The following FERMT1 variants were observed in gnomAD, a reference collection of about 807,000 sequenced individuals.
FERMT1 encodes the protein FERM domain containing kindlin 1, also known as fermitin family homolog 1.
In FERMT1, 60 loss-of-function variants were observed where a neutral mutation model predicts 85.3. That is an observed-to-expected ratio of 0.70 (90% CI 0.57 to 0.87). The LOEUF (loss-of-function observed/expected upper bound fraction) is 0.87, where lower values mean the gene tolerates loss of function less well. FERMT1 is among the 40% of genes least tolerant of loss of function. The probability of loss-of-function intolerance (pLI) is 0.00; values close to 1 mark genes in which losing one functional copy is unlikely to be tolerated. For missense variants in FERMT1, 701 were observed against 818.9 expected, an observed-to-expected ratio of 0.86 and a Z score of 1.76; for synonymous variants, 275 against 301.1, an observed-to-expected ratio of 0.91 and a Z score of 0.90.
In FERMT1 at chr20:6,110,330, C is replaced by G; in HGVS notation, c.714G>C (p.Arg238=). 1 of 1,613,364 alleles carries G rather than the reference C, an allele frequency of 6.2e-7. No homozygotes were observed. The highest frequency in any genetic ancestry group is 8.5e-7 in the Non-Finnish European group (1 of 1,179,874). The change falls in exon 5 of 15, where the codon CGG becomes CGC. Residue 238 remains arginine (R), a synonymous_variant. Coordinates refer to ENST00000217289, the MANE Select transcript of FERMT1 (RefSeq NM_017671.5). The stretch of plus-strand genomic sequence containing the variant: ...TGAGCTTGGCTTTATCAACCAGAGA[C>G]CGAGGCTGGTACATATCCGCAAGTG... ...PEALADMYQP[R]SLVDKAKLNA...
intron 6 of FERMT1, among the ~76,000 whole-genome samples, chr20:6,098,242 C>T (rs1982563460): frequency 6.6e-6 from 1 of 151,988 alleles, no homozygotes. Context: ...ATATGATAAA[C>T]AGTGTAATAA....
rs770805210 is a variant in FERMT1 at position 6,074,940 on chromosome 20, A to G, written c.*2233T>C. On this transcript the variant is annotated 3_prime_UTR_variant, in exon 15 of 15. Transcript: ENST00000217289. ...GTAGATAAGGAAGCAAATGATGTTG[A>G]AAGGTGCCCATTAATTTAAAATTTC... The G allele has an allele frequency of 6.6e-6, 1 of 152,276 alleles. No individual in the cohort carries two copies. The highest frequency in any genetic ancestry group is 1.5e-5 in the Non-Finnish European group (1 of 68,022). 9.4% of individuals were successfully genotyped at this position (152,276 alleles called of 1,614,324 possible). A position where few individuals can be genotyped will look rare whatever the true frequency, so the allele number is the denominator to read the frequency against.
intron 13 of FERMT1, among the ~76,000 whole-genome samples, chr20:6,080,354 C>A (rs112262361): frequency 6.6e-6 from 1 of 152,112 alleles, no homozygotes; most frequent in African/African-American, 2.4e-5. Flanking sequence ...TGTTATGTTG[C>A]CCAGACTAGT....
chr20:6,107,258 A>C (rs1982823776), intron 6 of FERMT1, among the ~76,000 whole-genome samples: 1 of 150,406 alleles, frequency 6.6e-6, no homozygotes, highest in Non-Finnish European at 1.5e-5. Flanking sequence ...ATCTTGTTTG[A>C]CCATTCCTGC....
chr20:6,085,152 G>A lies in FERMT1; in HGVS notation c.1507C>T (p.Gln503Ter). 6.2e-7 allele frequency: 1 copy of A among 1,614,190 alleles called. No homozygotes were observed. The highest frequency in any genetic ancestry group is 8.5e-7 in the Non-Finnish European group (1 of 1,180,030). Reference protein sequence around the residue: ...LRMKNRNSASQVASSLENMDM... With the variant: ...LRMKNRNSAS ...ATGTTTTCGAGACTGGAAGCCACCTGAGATGCAGAGTTCCTGTTTTTCATC... is the reference window on the plus strand; with the variant it reads ...ATGTTTTCGAGACTGGAAGCCACCTAAGATGCAGAGTTCCTGTTTTTCATC... The change falls in exon 12 of 15, where the codon CAG (glutamine) becomes TAG (stop). Residue 503 changes from glutamine (Q) to a stop codon, truncating the protein, a stop_gained. Coordinates refer to ENST00000217289, the MANE Select transcript of FERMT1 (RefSeq NM_017671.5). LOFTEE classifies it high-confidence loss of function.
intron 13 of FERMT1, among the ~76,000 whole-genome samples, chr20:6,083,656 C>T (rs1234737411): frequency 1.1e-5 from 1 of 89,138 alleles, no homozygotes; most frequent in Non-Finnish European, 2.0e-5. Flanking sequence ...AAATGAGACA[C>T]CCCCCCCCCC....
chr20:6,100,642 A>G (rs1443560330), intron 6 of FERMT1, among the ~76,000 whole-genome samples: 1 of 152,250 alleles, frequency 6.6e-6, no homozygotes, highest in Non-Finnish European at 1.5e-5. Flanking sequence ...ACAGCTAAAC[A>G]GAAAAACCAT....
intron 1 of FERMT1, 36 bp downstream of exon 1, chr20:6,122,738 C>T (rs575756872): frequency 6.6e-6 from 1 of 152,534 alleles, no homozygotes; most frequent in African/African-American, 2.4e-5. Flanking sequence ...AGCCTCCCAA[C>T]CTCTAGCTCC....
chr20:6,113,762 T>G (rs936431943), intron 3 of FERMT1, among the ~76,000 whole-genome samples: 1 of 152,024 alleles, frequency 6.6e-6, no homozygotes, highest in African/African-American at 2.4e-5. Flanking sequence ...CACCAGCTGC[T>G]GAAGTGTAAC....
At chr20:6,086,274 A>G (rs1242301291) in intron 11 of FERMT1, among the ~76,000 whole-genome samples, 2 of 152,236 alleles carry the variant, frequency 1.3e-5, no homozygotes, top group Non-Finnish European at 1.5e-5. Context: ...CGCCCAAAAG[A>G]AAATGATGAA....
intron 2 of FERMT1, among the ~76,000 whole-genome samples, chr20:6,118,539 T>C (rs1983171491): frequency 1.3e-5 from 2 of 152,134 alleles, no homozygotes; most frequent in South Asian, 2.1e-4. Flanking sequence ...ATGTATATTA[T>C]ATGTCAGTCA....
At chr20:6,093,708 G>C (rs1202349038) in intron 9 of FERMT1, among the ~76,000 whole-genome samples, 1 of 152,234 alleles carries the variant, frequency 6.6e-6, no homozygotes, top group East Asian at 1.9e-4. Context: ...TGTAATCCCA[G>C]CACTTTGGGA....
intron 9 of FERMT1, among the ~76,000 whole-genome samples, chr20:6,089,343 C>T (rs1982282020): frequency 6.6e-6 from 1 of 152,220 alleles, no homozygotes; most frequent in Admixed American, 6.5e-5. Flanking sequence ...GGGAAAGATC[C>T]TGCACTTACC....
At position 6,085,275 on chromosome 20, in the gene FERMT1, C is replaced by T. The variant is rs145202913; in HGVS notation, c.1384G>A (p.Ala462Thr). ...AACATGCAGGCAGCCATCCATTGGG[C>T]GTATTGATTCTCCTGCAGCAAACAG... ...YLRCDHENQY[A>T]QWMAACMLAS... The change falls in exon 12 of 15, where the codon GCC becomes ACC. Residue 462 changes from alanine (A) to threonine (T), a missense_variant. Coordinates refer to ENST00000217289, the MANE Select transcript of FERMT1 (RefSeq NM_017671.5). The T allele has an allele frequency of 5.7e-4, 924 of 1,613,302 alleles. 2 individuals are homozygous for T. Among genetic ancestry groups the T allele is most frequent in the Non-Finnish European group, 7.5e-4 (882 of 1,179,996 alleles).
In FERMT1 at chr20:6,085,255, G is replaced by T; in HGVS notation, c.1404C>A (p.Cys468Ter). 6.2e-7 allele frequency: 1 copy of T among 1,613,926 alleles called. No homozygotes were observed. Among genetic ancestry groups the T allele is most frequent in the Non-Finnish European group, 8.5e-7 (1 of 1,179,998 alleles). ...TGGTTTTGCCCTTCGATGCCAACAT[G>T]CAGGCAGCCATCCATTGGGCGTATT... Reference protein sequence around the residue: ...ENQYAQWMAACMLASKGKTMA... With the variant: ...ENQYAQWMAA Residue 468 changes from cysteine (C) to a stop codon, truncating the protein, a stop_gained, in exon 12 of 15, where the codon TGC becomes TGA. Coordinates refer to ENST00000217289, the MANE Select transcript of FERMT1 (RefSeq NM_017671.5). LOFTEE classifies it high-confidence loss of function.
chr20:6,112,390 T>C, intron 4 of FERMT1, 87 bp downstream of exon 4: 2 of 1,321,288 alleles, frequency 1.5e-6, no homozygotes, highest in Non-Finnish European at 2.2e-6. Flanking sequence ...ATTTCTCCTT[T>C]GTTTGGTGGG....
chr20:6,101,498 G>A (rs1982656835), intron 6 of FERMT1, among the ~76,000 whole-genome samples: 1 of 152,268 alleles, frequency 6.6e-6, no homozygotes, highest in East Asian at 1.9e-4. Flanking sequence ...ACAAAGTCTT[G>A]AAAATCTATT....
In FERMT1 at chr20:6,119,589, C is replaced by A. The variant is rs757149343; in HGVS notation, c.-18-17G>T. On this transcript the variant is annotated splice_polypyrimidine_tract_variant and intron_variant, in intron 1 of 14. Coordinates refer to ENST00000217289, the MANE Select transcript of FERMT1 (RefSeq NM_017671.5). ...TGCTGGTGTCTGCTGAACAAAAAGG[C>A]AGACATAGATTGGAATGTGGGAAGG... 2 of 1,604,884 alleles carry A rather than the reference C, an allele frequency of 1.2e-6. No homozygotes were observed. Among genetic ancestry groups the A allele is most frequent in the African/African-American group, 1.3e-5 (1 of 74,644 alleles).
At chr20:6,096,749 T>G in intron 8 of FERMT1, 153 bp downstream of exon 8, 1 of 790,228 alleles carries the variant, frequency 1.3e-6, no homozygotes, top group African/African-American at 1.8e-5. Flanking sequence ...AAAAGTTAGT[T>G]CACTAGGTTG....
Sources: allele counts gnomAD v4.1 joint callset (sites outside exome capture counted in the v4.1 genomes callset), GRCh38; gene constraint gnomAD v4.1.1; transcripts MANE v1.5; gene names NCBI Gene and HGNC (gene_info 2026-07-23, HGNC 2026-07-21).